PCDHGA4: variants seen among roughly 807,000 people sequenced by gnomAD.
PCDHGA4 encodes protocadherin gamma-A4.
In PCDHGA4, 38 loss-of-function variants were observed where a neutral mutation model predicts 54.6. That is an observed-to-expected ratio of 0.70 (90% CI 0.54 to 0.91). PCDHGA4 has a LOEUF of 0.91. Ranked by LOEUF, PCDHGA4 falls within the 40% of genes least tolerant of loss-of-function variation. PCDHGA4 has a pLI of 0.00. For synonymous variants in PCDHGA4, 511 were observed against 512.9 expected (o/e 1.00, Z 0.05); for missense variants, 1,298 against 1,220.9 (o/e 1.06, Z -0.94).
chr5:141,359,431 A>C (rs1429796620), intron 1 of PCDHGA4, among the ~76,000 whole-genome samples: 1 of 151,820 alleles, frequency 6.6e-6, no homozygotes, highest in African/African-American at 2.4e-5. Flanking sequence ...TAGAATGGGC[A>C]GTGGGTTTCT....
chr5:141,361,218 A>G (rs963780957), intron 1 of PCDHGA4: 8 of 1,613,906 alleles, frequency 5.0e-6, no homozygotes, highest in Non-Finnish European at 6.8e-6. Flanking sequence ...AGGATTCGCC[A>G]CCAGGAACAG....
chr5:141,414,965 C>T lies in PCDHGA4; in HGVS notation c.2514+57344C>T, dbSNP rs564450666. On this transcript the variant is annotated intron_variant, in intron 1 of 3. Coordinates refer to ENST00000571252, the MANE Select transcript of PCDHGA4 (RefSeq NM_018917.4). ...GGCTACCTGGTGACCAAGGTGGTGG[C>T]GGTGGACAGAGACTCCGGCCAGAAC... The T allele has an allele frequency of 7.9e-5, 127 of 1,613,962 alleles. No homozygotes were observed. The highest frequency in any genetic ancestry group is 7.7e-5 in the Non-Finnish European group (91 of 1,180,046).
At chr5:141,461,501 T>G (rs113852528) in intron 1 of PCDHGA4, among the ~76,000 whole-genome samples, 1 of 152,310 alleles carries the variant, frequency 6.6e-6, no homozygotes, top group South Asian at 2.1e-4. Flanking sequence ...TTATTTTTCT[T>G]GGTGATTTGT....
intron 1 of PCDHGA4, among the ~76,000 whole-genome samples, chr5:141,467,665 G>T (rs1205474808): frequency 4.6e-5 from 7 of 152,040 alleles, no homozygotes; most frequent in Non-Finnish European, 1.0e-4. Flanking sequence ...AGTGCCAGAA[G>T]ATTTTTATTT....
At chr5:141,418,693 T>C (rs989725231) in intron 1 of PCDHGA4, 1 of 1,613,922 alleles carries the variant, frequency 6.2e-7, no homozygotes, top group South Asian at 1.1e-5. Context: ...CAGAGATCAC[T>C]TATTCCTTCT....
rs70988800 is a variant in PCDHGA4, at chr5:141,379,889, C to CTT, written c.2514+22297_2514+22298dup. On this transcript the variant is annotated intron_variant, in intron 1 of 3. Transcript: ENST00000571252. ...CTTATTTTATGGTCTGTGAAAGCCT[C>CTT]TTTTTTTTTTTTTTTTTTTTTTTTT... Among the ~76,000 whole-genome samples the CTT allele has an allele frequency of 2.1e-3, 106 of 50,824 alleles. 11 individuals carry two copies. Among genetic ancestry groups the CTT allele is most frequent in the East Asian group, 2.5e-3 (4 of 1,606 alleles). 33.3% of individuals were successfully genotyped at this position (50,824 alleles called of 152,430 possible).
At chr5:141,374,501 G>A (rs746410507) in intron 1 of PCDHGA4, 2 of 1,611,510 alleles carry the variant, frequency 1.2e-6, no homozygotes, top group Non-Finnish European at 1.7e-6. Context: ...AGAATTGGAA[G>A]TGAAAATTCT....
chr5:141,408,656 C>G (rs1367377855), intron 1 of PCDHGA4: 1 of 1,614,030 alleles, frequency 6.2e-7, no homozygotes, highest in South Asian at 1.1e-5. Flanking sequence ...TGGTACACGA[C>G]TATCGCTTGA....
chr5:141,468,348 A>C (rs962230735), intron 1 of PCDHGA4: 2 of 150,318 alleles, frequency 1.3e-5, no homozygotes, highest in African/African-American at 4.9e-5. Context: ...AAAAAAAAAA[A>C]AGAAAGAAAA....
intron 1 of PCDHGA4, chr5:141,408,014 C>G (rs2095025916): frequency 5.0e-6 from 5 of 1,001,096 alleles, no homozygotes; most frequent in Non-Finnish European, 7.0e-6. Flanking sequence ...CCTGCGCAGC[C>G]AACAACAGAA....
intron 1 of PCDHGA4, chr5:141,409,909 T>C (rs772516694): frequency 1.2e-6 from 2 of 1,613,200 alleles, no homozygotes; most frequent in African/African-American, 2.7e-5. Flanking sequence ...CTCTGGGTCC[T>C]GACGGCTCCG....
chr5:141,394,987 T>G (rs2093144127), intron 1 of PCDHGA4: 1 of 1,613,874 alleles, frequency 6.2e-7, no homozygotes, highest in South Asian at 1.1e-5. Context: ...TCACGCCTGC[T>G]CCAGGATTCC....
At chr5:141,376,137 A>G (rs1342753731) in intron 1 of PCDHGA4, 6 of 1,613,156 alleles carry the variant, frequency 3.7e-6, no homozygotes, top group South Asian at 1.1e-5. Context: ...GCCAAACCCA[A>G]CGATTCGGAC....
rs1357530807 is a variant in PCDHGA4, at chr5:141,365,228, G to A, written c.2514+7607G>A. On this transcript the variant is annotated intron_variant, in intron 1 of 3. Coordinates refer to ENST00000571252, the MANE Select transcript of PCDHGA4 (RefSeq NM_018917.4). ...TTTCCAACTTGATTCCAACCTGGGG[G>A]AAATCTCAACTCTACAATCACTGGA... 2.5e-6 allele frequency: 4 copies of A among 1,613,942 alleles called. No homozygotes were observed. In the South Asian group the frequency reaches 3.3e-5, roughly 13 times the overall value.
intron 1 of PCDHGA4, among the ~76,000 whole-genome samples, chr5:141,466,670 G>A (rs994949602): frequency 9.2e-5 from 14 of 152,046 alleles, no homozygotes; most frequent in African/African-American, 2.2e-4. Flanking sequence ...TGATTTCACC[G>A]TTCTTCCACT....
At chr5:141,382,115 A>G (rs1777964060) in intron 1 of PCDHGA4, among the ~76,000 whole-genome samples, 2 of 152,100 alleles carry the variant, frequency 1.3e-5, no homozygotes, top group African/African-American at 4.8e-5. Flanking sequence ...GGCGTGAGCA[A>G]CAGCACCTGG....
At chr5:141,395,315 G>A in intron 1 of PCDHGA4, 1 of 1,486,272 alleles carries the variant, frequency 6.7e-7, no homozygotes, top group Middle Eastern at 1.8e-4. Context: ...AAAACATTGT[G>A]AAGATAGTTG....
chr5:141,375,059 G>C, intron 1 of PCDHGA4: 1 of 1,614,038 alleles, frequency 6.2e-7, no homozygotes, highest in Non-Finnish European at 8.5e-7. Flanking sequence ...GGATGGGCCA[G>C]GTCTTCGAGA....
intron 1 of PCDHGA4, chr5:141,441,795 C>T (rs569465359): frequency 2.6e-6 from 1 of 387,758 alleles, no homozygotes; most frequent in Non-Finnish European, 5.1e-6. Flanking sequence ...TGACAACGCA[C>T]CGCGGGTGCT....
Sources: allele counts gnomAD v4.1 joint callset (sites outside exome capture counted in the v4.1 genomes callset), GRCh38; gene constraint gnomAD v4.1.1; transcripts MANE v1.5; gene names NCBI Gene and HGNC (gene_info 2026-07-23, HGNC 2026-07-21).